SEZ6L: variants seen among roughly 807,000 people sequenced by gnomAD.
The protein encoded by SEZ6L is seizure related 6 homolog like.
A neutral mutation model predicts 106.2 loss-of-function variants in SEZ6L; 37 were observed. The observed-to-expected ratio is 0.35, with a 90% CI of 0.27 to 0.46. The LOEUF is 0.46. Ranked by LOEUF, SEZ6L falls within the 20% of genes least tolerant of loss-of-function variation. The pLI is 1.00. For missense variants in SEZ6L, 1,172 were observed against 1,332.8 expected, an observed-to-expected ratio of 0.88 and a Z score of 1.88; for synonymous variants, 541 against 570.4, an observed-to-expected ratio of 0.95 and a Z score of 0.73.
chr22:26,295,201 AG>A (rs2081266733), intron 3 of SEZ6L, among the ~76,000 whole-genome samples: 1 of 152,212 alleles, frequency 6.6e-6, no homozygotes, highest in Admixed American at 6.5e-5. Flanking sequence ...TTGGGGGAGC[AG>A]TAAATATGAC....
intron 12 of SEZ6L, chr22:26,364,925 A>T (rs2083756347): frequency 6.5e-6 from 1 of 152,884 alleles, no homozygotes; most frequent in African/African-American, 2.4e-5. Flanking sequence ...AGATTTCATA[A>T]TTAAACACCA....
intron 11 of SEZ6L, among the ~76,000 whole-genome samples, chr22:26,350,176 A>C (rs1401157215): frequency 6.7e-6 from 1 of 148,724 alleles, no homozygotes; most frequent in Non-Finnish European, 1.5e-5. Context: ...GCAAATTCAT[A>C]TATATGTGTG....
chr22:26,205,037 G>T (rs1245927772), intron 1 of SEZ6L, among the ~76,000 whole-genome samples: 1 of 152,306 alleles, frequency 6.6e-6, no homozygotes, highest in South Asian at 2.1e-4. Context: ...ACCAGATCTG[G>T]TTCCCTTTCA....
At chr22:26,302,314 C>CG (rs2081480386) in intron 5 of SEZ6L, among the ~76,000 whole-genome samples, 1 of 152,176 alleles carries the variant, frequency 6.6e-6, no homozygotes, top group Non-Finnish European at 1.5e-5. Flanking sequence ...CTCATATGCA[C>CG]ATTACACCTG....
chr22:26,249,519 T>C lies in SEZ6L; in HGVS notation c.95-42887T>C, dbSNP rs188089852. Among the ~76,000 whole-genome samples, 209 of 152,270 alleles carry C rather than the reference T, an allele frequency of 1.4e-3. 2 individuals are homozygous for C. The highest frequency in any genetic ancestry group is 9.8e-4 in the Admixed American group (15 of 15,296). ...ATTTCTTTTTTAAATGGCTGAATAG[T>C]ATTCGTGTGTGTGTGTGTGTATGTG... On this transcript the variant is annotated intron_variant, in intron 1 of 16. Transcript: ENST00000248933.
At chr22:26,327,965 G>A (rs991125117) in intron 9 of SEZ6L, among the ~76,000 whole-genome samples, 2 of 152,238 alleles carry the variant, frequency 1.3e-5, no homozygotes, top group Non-Finnish European at 2.9e-5. Flanking sequence ...CCTAAGTCTG[G>A]AAAACTCAGG....
intron 1 of SEZ6L, among the ~76,000 whole-genome samples, chr22:26,203,170 CA>C (rs1199436255): frequency 1.3e-5 from 2 of 152,202 alleles, no homozygotes; most frequent in Non-Finnish European, 1.5e-5. Flanking sequence ...GGTCCTAGAA[CA>C]CTGTGGAGTA....
At chr22:26,324,835 A>T (rs182988412) in intron 9 of SEZ6L, among the ~76,000 whole-genome samples, 1 of 152,220 alleles carries the variant, frequency 6.6e-6, no homozygotes, top group Non-Finnish European at 1.5e-5. Flanking sequence ...AGACCACTCT[A>T]TCAGTCAGCT....
chr22:26,282,114 G>A (rs2080791001), intron 1 of SEZ6L, among the ~76,000 whole-genome samples: 1 of 152,214 alleles, frequency 6.6e-6, no homozygotes, highest in Admixed American at 6.5e-5. Flanking sequence ...TAAATTCCCA[G>A]AAGCAGACTC....
rs937141348 is a variant in SEZ6L, at chr22:26,383,367, G to A, written c.*3072G>A. The A allele has an allele frequency of 1.3e-5, 2 of 152,008 alleles. No homozygotes were observed. Among genetic ancestry groups the A allele is most frequent in the Admixed American group, 6.6e-5 (1 of 15,260 alleles). The allele number at this position is 152,008 out of a possible 1,614,324, so 9.4% of individuals were successfully genotyped here. A position where few individuals can be genotyped will look rare whatever the true frequency, so the allele number is the denominator to read the frequency against. On this transcript the variant is annotated 3_prime_UTR_variant, in exon 17 of 17. Transcript: ENST00000248933. ...GCAAAAATGCCCTTCGAGTGAATCCGAAGGGCATGATCTTCCTATGTCCTT... is the reference window on the plus strand; with the variant it reads ...GCAAAAATGCCCTTCGAGTGAATCCAAAGGGCATGATCTTCCTATGTCCTT...
intron 1 of SEZ6L, among the ~76,000 whole-genome samples, chr22:26,180,099 T>C (rs193239831): frequency 2.0e-5 from 3 of 152,322 alleles, no homozygotes; most frequent in Admixed American, 6.5e-5. Context: ...TGGTTCTTCA[T>C]ACTTAATCCA....
intron 1 of SEZ6L, among the ~76,000 whole-genome samples, chr22:26,208,637 T>C (rs990677586): frequency 6.6e-6 from 1 of 152,196 alleles, no homozygotes; most frequent in African/African-American, 2.4e-5. Flanking sequence ...TTTCTTTAGA[T>C]GTTTTCAATA....
chr22:26,348,074 C>G (rs547293712), intron 11 of SEZ6L, among the ~76,000 whole-genome samples, 161 bp downstream of exon 11: 1 of 152,274 alleles, frequency 6.6e-6, no homozygotes, highest in African/African-American at 2.4e-5. Flanking sequence ...TTATAGCTGT[C>G]AGTGGAATTA....
At chr22:26,304,373 A>AAAG (rs1556332061) in intron 5 of SEZ6L, among the ~76,000 whole-genome samples, 7 of 44,058 alleles carry the variant, frequency 1.6e-4, no homozygotes, top group Admixed American at 1.3e-3. Context: ...AAGAAAGAAG[A>AAAG]AAGAAAGAAA....
At position 26,262,145 on chromosome 22, in the gene SEZ6L, AAT is replaced by A. The variant is rs10669410; in HGVS notation, c.95-30248_95-30247del. 1.7e-4 allele frequency among the ~76,000 whole-genome samples: 25 copies of A among 149,232 alleles called. No individual in the cohort carries two copies. In the South Asian group the frequency reaches 2.8e-3, roughly 16 times the overall value. On this transcript the variant is annotated intron_variant, in intron 1 of 16. Coordinates refer to ENST00000248933, the MANE Select transcript of SEZ6L (RefSeq NM_021115.5). ...ATCTGTTGGCCAGAGGTATAATGGG[AAT>A]ATATATATATATTTAATATATTGAT...
intron 5 of SEZ6L, 50 bp from the exon 6 acceptor site, chr22:26,305,929 C>G (rs930580177): frequency 6.7e-7 from 1 of 1,486,044 alleles, no homozygotes; most frequent in Non-Finnish European, 9.3e-7. Flanking sequence ...TCTCCTCTCT[C>G]TCTCCCTCTC....
chr22:26,294,016 G>C (rs1002256649), intron 2 of SEZ6L, among the ~76,000 whole-genome samples: 4 of 152,132 alleles, frequency 2.6e-5, no homozygotes. Flanking sequence ...CTCTAAACTG[G>C]GGATGAAATA....
intron 1 of SEZ6L, among the ~76,000 whole-genome samples, chr22:26,172,935 C>A (rs1181141854): frequency 6.6e-6 from 1 of 152,176 alleles, no homozygotes; most frequent in Non-Finnish European, 1.5e-5. Flanking sequence ...AAAGGCTGTT[C>A]TGGGGAGTTT....
At chr22:26,304,697 G>A (rs904971369) in intron 5 of SEZ6L, among the ~76,000 whole-genome samples, 9 of 152,088 alleles carry the variant, frequency 5.9e-5, no homozygotes, top group Non-Finnish European at 1.2e-4. Flanking sequence ...TTATATTCAT[G>A]GTCTCAATTG....
Sources: gnomAD v4.1 joint callset for allele counts (sites outside exome capture counted in the v4.1 genomes callset) on GRCh38, gnomAD v4.1.1 for gene constraint, MANE v1.5 for transcripts, NCBI Gene and HGNC (gene_info 2026-07-23, HGNC 2026-07-21) for gene names.